ZNF385D: variants seen among roughly 807,000 people sequenced by gnomAD.
ZNF385D encodes zinc finger protein 385D.
ZNF385D carries 15 observed loss-of-function variants against 35.8 expected under a neutral mutation model. The ratio of observed to expected loss-of-function variants is 0.42; its 90% CI spans 0.28 to 0.64. The LOEUF (loss-of-function observed/expected upper bound fraction) is 0.64, where lower values mean the gene tolerates loss of function less well. Ranked by LOEUF, ZNF385D falls within the 30% of genes least tolerant of loss-of-function variation. The pLI is 0.23. For synonymous variants in ZNF385D, 212 were observed against 186.8 expected, an observed-to-expected ratio of 1.13 and a Z score of -1.10; for missense variants, 474 against 494.6, an observed-to-expected ratio of 0.96 and a Z score of 0.39.
rs143645919 is a variant in ZNF385D at position 22,163,927 on chromosome 3, A to T, written c.325+4890T>A. Among the ~76,000 whole-genome samples the T allele has an allele frequency of 3.9e-3, 590 of 152,312 alleles. 1 individual carries two copies. Among genetic ancestry groups the T allele is most frequent in the South Asian group, 0.015 (71 of 4,826 alleles). On this transcript the variant is annotated intron_variant, in intron 3 of 5. Transcript: ENST00000494108. ...GATGTGCTTACTAAGAATTTACAGGATCTATTATTTGTACAAATCAACATT... is the reference window on the plus strand; with the variant it reads ...GATGTGCTTACTAAGAATTTACAGGTTCTATTATTTGTACAAATCAACATT...
chr3:21,865,045 C>CTTTT lies in ZNF385D; in HGVS notation c.326-200021_326-200018dup, dbSNP rs3073907. Among the ~76,000 whole-genome samples, 156 of 21,196 alleles carry CTTTT rather than the reference C, an allele frequency of 7.4e-3. 15 individuals are homozygous for CTTTT. Among genetic ancestry groups the CTTTT allele is most frequent in the East Asian group, 0.015 (8 of 518 alleles). 13.9% of individuals were successfully genotyped at this position (21,196 alleles called of 152,430 possible). A position where few individuals can be genotyped will look rare whatever the true frequency, so the allele number is the denominator to read the frequency against. On this transcript the variant is annotated intron_variant, in intron 3 of 5. Coordinates refer to the ZNF385D transcript ENST00000494108. ...ATTACTCTGTGGGGTACAGGGAAGA[C>CTTTT]TTTTTTTTTTTTTTTTTTTTTTTTT...
chr3:21,962,876 A>C (rs1355411633), intron 3 of ZNF385D, among the ~76,000 whole-genome samples: 2 of 152,214 alleles, frequency 1.3e-5, no homozygotes, highest in Non-Finnish European at 2.9e-5. Flanking sequence ...ATGTTGCAAG[A>C]CATCTTGGAG....
At chr3:21,880,441 A>C (rs1368984868) in intron 3 of ZNF385D, among the ~76,000 whole-genome samples, 3 of 151,928 alleles carry the variant, frequency 2.0e-5, no homozygotes, top group African/African-American at 7.2e-5. Flanking sequence ...ATGATCCTTA[A>C]TGTTACTATT....
intron 4 of ZNF385D, among the ~76,000 whole-genome samples, chr3:21,446,011 A>C (rs572727133): frequency 6.6e-6 from 1 of 152,344 alleles, no homozygotes; most frequent in Non-Finnish European, 1.5e-5. Context: ...AGTATAAACT[A>C]GTGATTGTGA....
chr3:22,130,146 C>A (rs1364033156), intron 3 of ZNF385D, among the ~76,000 whole-genome samples: 1 of 152,128 alleles, frequency 6.6e-6, no homozygotes. Context: ...GACTTCAGGA[C>A]TCTGCTTGCT....
intron 4 of ZNF385D, among the ~76,000 whole-genome samples, chr3:21,485,756 C>A (rs1704981603): frequency 6.6e-6 from 1 of 151,986 alleles, no homozygotes; most frequent in African/African-American, 2.4e-5. Context: ...ATGTTAGAGG[C>A]CTTAATTGCA....
At chr3:22,075,239 T>A (rs1700406738) in intron 3 of ZNF385D, among the ~76,000 whole-genome samples, 1 of 151,860 alleles carries the variant, frequency 6.6e-6, no homozygotes, top group Admixed American at 6.6e-5. Flanking sequence ...CAGTAGATTA[T>A]TCCCTTCAGT....
chr3:21,608,571 A>C (rs2064566972), intron 2 of ZNF385D, among the ~76,000 whole-genome samples: 1 of 152,234 alleles, frequency 6.6e-6, no homozygotes, highest in South Asian at 2.1e-4. Context: ...AATTTACCTA[A>C]AACAGTTGCT....
Position 21,965,005 on chromosome 3 carries a change from G to C in ZNF385D, c.325+203812C>G, listed in dbSNP as rs138601658. ...TACATCATTCCATTCAGTTACATTT[G>C]TATCTTAATAATTGGCAGCATAATT... On this transcript the variant is annotated intron_variant, in intron 3 of 5. Coordinates refer to the ZNF385D transcript ENST00000494108. 8.9e-4 allele frequency among the ~76,000 whole-genome samples: 135 copies of C among 152,230 alleles called. 1 individual carries two copies. The highest frequency in any genetic ancestry group is 1.4e-3 in the Non-Finnish European group (96 of 68,006).
intron 2 of ZNF385D, among the ~76,000 whole-genome samples, chr3:22,172,140 C>A (rs553179173): frequency 2.2e-4 from 33 of 152,264 alleles, no homozygotes; most frequent in Non-Finnish European, 4.1e-4. Flanking sequence ...TCCCTCCTAA[C>A]CTTCACCCCT....
rs142636688 is a variant in ZNF385D, at chr3:22,077,982, A to G, written c.325+90835T>C. On this transcript the variant is annotated intron_variant, in intron 3 of 5. Coordinates refer to the ZNF385D transcript ENST00000494108. ...CAACCTGAAAAGTCCTAGACAAAAGACAAAAATTGGGTTGGCCAAATAAAG... is the reference window on the plus strand; with the variant it reads ...CAACCTGAAAAGTCCTAGACAAAAGGCAAAAATTGGGTTGGCCAAATAAAG... 5.0e-4 allele frequency among the ~76,000 whole-genome samples: 76 copies of G among 152,118 alleles called. No homozygotes were observed. The East Asian group carries it at 0.011, about 22-fold the overall frequency.
chr3:21,786,198 C>T (rs1015794373), intron 3 of ZNF385D, among the ~76,000 whole-genome samples: 1 of 152,146 alleles, frequency 6.6e-6, no homozygotes, highest in Non-Finnish European at 1.5e-5. Context: ...TCTAGGATTC[C>T]TCACGAAGGA....
intron 2 of ZNF385D, among the ~76,000 whole-genome samples, chr3:22,258,394 T>C (rs1700423944): frequency 6.6e-6 from 1 of 151,794 alleles, no homozygotes; most frequent in African/African-American, 2.4e-5. Context: ...ATTTAAAGGT[T>C]ATAAAGTAAA....
intron 3 of ZNF385D, among the ~76,000 whole-genome samples, chr3:21,785,390 A>T (rs2071649755): frequency 6.6e-6 from 1 of 152,176 alleles, no homozygotes; most frequent in African/African-American, 2.4e-5. Context: ...GTGTGTATAT[A>T]TATGTGTGTG....
intron 2 of ZNF385D, among the ~76,000 whole-genome samples, chr3:22,255,241 C>G (rs1170507809): frequency 6.6e-6 from 1 of 151,072 alleles, no homozygotes; most frequent in Non-Finnish European, 1.5e-5. Context: ...GAGGAAAATT[C>G]ATGTTGACAC....
chr3:22,232,960 CTTTGTT>C (rs1435280490), intron 2 of ZNF385D, among the ~76,000 whole-genome samples: 1 of 152,096 alleles, frequency 6.6e-6, no homozygotes, highest in Non-Finnish European at 1.5e-5. Context: ...ATTTTTAAAA[CTTTGTT>C]TTTATCATTT....
chr3:22,060,789 G>C (rs958187494), intron 3 of ZNF385D, among the ~76,000 whole-genome samples: 2 of 151,940 alleles, frequency 1.3e-5, no homozygotes, highest in African/African-American at 4.8e-5. Context: ...AGCCATCCAC[G>C]CAAGGGTTTC....
chr3:21,993,677 A>T (rs936661441), intron 3 of ZNF385D, among the ~76,000 whole-genome samples: 3 of 152,164 alleles, frequency 2.0e-5, no homozygotes, highest in Non-Finnish European at 2.9e-5. Flanking sequence ...GAGAAAATGA[A>T]AATTAAGTTT....
intron 2 of ZNF385D, among the ~76,000 whole-genome samples, chr3:21,597,133 A>T (rs914571721): frequency 2.0e-5 from 3 of 152,226 alleles, no homozygotes; most frequent in Non-Finnish European, 2.9e-5. Context: ...GTTTGTTTTA[A>T]AAATGAAGCT....
Sources: allele counts gnomAD v4.1 joint callset (sites outside exome capture counted in the v4.1 genomes callset), GRCh38; gene constraint gnomAD v4.1.1; transcripts MANE v1.5; gene names NCBI Gene and HGNC (gene_info 2026-07-23, HGNC 2026-07-21).